FAS: variants seen among roughly 807,000 people sequenced by gnomAD.
FAS encodes Fas cell surface death receptor.
In FAS, 5 loss-of-function variants were observed where a neutral mutation model predicts 33.2. The ratio of observed to expected loss-of-function variants is 0.15; its 90% CI spans 0.08 to 0.32. The LOEUF is 0.32. FAS is among the 10% of genes least tolerant of loss of function. The pLI is 1.00. For synonymous variants in FAS, 131 were observed against 130.7 expected (o/e 1.00, Z -0.01); for missense variants, 339 against 386.0 (o/e 0.88, Z 1.02).
At position 89,015,292 on chromosome 10, in the gene FAS, G is replaced by T. The variant is rs953913056; in HGVS notation, c.*842G>T. On this transcript the variant is annotated 3_prime_UTR_variant, in exon 9 of 9. Coordinates refer to ENST00000652046, the MANE Select transcript of FAS (RefSeq NM_000043.6). ...AAAAATACTTAATAGTCCACCAAAA[G>T]GCAAGACTGCCCTTAGAAATTCTAG... 3 of 534,590 alleles carry T rather than the reference G, an allele frequency of 5.6e-6. No homozygotes were observed. Among genetic ancestry groups the T allele is most frequent in the African/African-American group, 1.9e-5 (1 of 53,856 alleles). 33.1% of individuals were successfully genotyped at this position (534,590 alleles called of 1,614,324 possible). A position where few individuals can be genotyped will look rare whatever the true frequency, so the allele number is the denominator to read the frequency against.
intron 2 of FAS, among the ~76,000 whole-genome samples, chr10:89,005,614 G>T (rs1848184173): frequency 6.6e-6 from 1 of 152,000 alleles, no homozygotes; most frequent in Non-Finnish European, 1.5e-5. Context: ...TCTCCAGATT[G>T]TTGATATATA....
upstream of FAS, among the ~76,000 whole-genome samples, chr10:88,984,567 G>T (rs1695978851): frequency 6.6e-6 from 1 of 152,200 alleles, no homozygotes; most frequent in Non-Finnish European, 1.5e-5. Context: ...CCCAGTGTTT[G>T]CAAACTGGTT....
intron 1 of FAS, among the ~76,000 whole-genome samples, chr10:89,000,340 C>A (rs1301074087): frequency 1.3e-5 from 2 of 152,018 alleles, no homozygotes; most frequent in Non-Finnish European, 2.9e-5. Context: ...CCATTATTAC[C>A]CAGATTTTCT....
At chr10:88,995,095 T>TAC (rs1847509174) in intron 1 of FAS, among the ~76,000 whole-genome samples, 1 of 151,788 alleles carries the variant, frequency 6.6e-6, no homozygotes, top group African/African-American at 2.4e-5. Flanking sequence ...TATGTATGTA[T>TAC]ATATATATTC....
At chr10:88,971,668 T>A (rs535932014) in intron 1 of FAS, among the ~76,000 whole-genome samples, 2 of 152,344 alleles carry the variant, frequency 1.3e-5, no homozygotes, top group Admixed American at 1.3e-4. Flanking sequence ...TATCTTTTTG[T>A]AACTAATAGG....
chr10:89,009,372 G>T (rs1364316014), intron 4 of FAS, among the ~76,000 whole-genome samples: 1 of 152,204 alleles, frequency 6.6e-6, no homozygotes, highest in Non-Finnish European at 1.5e-5. Flanking sequence ...GGAGATGGAG[G>T]TGAAGACATG....
intron 2 of FAS, among the ~76,000 whole-genome samples, chr10:89,003,961 G>T (rs1306091254): frequency 1.3e-5 from 2 of 152,154 alleles, no homozygotes; most frequent in African/African-American, 4.8e-5. Context: ...GGTCCTGTTT[G>T]TGAAAAGATT....
In FAS at chr10:89,014,562, A is replaced by G; in HGVS notation, c.*112A>G. On this transcript the variant is annotated 3_prime_UTR_variant, in exon 9 of 9. Coordinates refer to ENST00000652046, the MANE Select transcript of FAS (RefSeq NM_000043.6). ...TTTTACTGGGTACATTTTATCATTT[A>G]TTAGCGCTGAAGAGCCAACATATTT... is the stretch of plus-strand genomic sequence containing the variant. 1.0e-6 allele frequency: 1 copy of G among 998,470 alleles called. No homozygotes were observed. Among genetic ancestry groups the G allele is most frequent in the Non-Finnish European group, 1.5e-6 (1 of 656,648 alleles). The allele number at this position is 998,470 out of a possible 1,614,324, so 61.9% of individuals were successfully genotyped here.
intron 3 of FAS, among the ~76,000 whole-genome samples, chr10:89,008,040 C>G (rs1424412804): frequency 6.6e-6 from 1 of 152,090 alleles, no homozygotes; most frequent in African/African-American, 2.4e-5. Context: ...GGCAATTCTT[C>G]CAGATATAGG....
chr10:89,010,981 G>A (rs1564695780), intron 6 of FAS, 166 bp downstream of exon 6: 1 of 781,228 alleles, frequency 1.3e-6, no homozygotes, highest in Non-Finnish European at 2.2e-6. Flanking sequence ...AAGAACAAAT[G>A]AAATTATTCC....
upstream of FAS, among the ~76,000 whole-genome samples, chr10:88,984,690 C>G (rs999516469): frequency 2.9e-4 from 44 of 151,600 alleles, no homozygotes; most frequent in Non-Finnish European, 6.2e-4. Context: ...TTTAGTTATT[C>G]ATGAAACCAC....
intron 2 of FAS, among the ~76,000 whole-genome samples, chr10:88,980,307 C>T (rs542587877): frequency 6.7e-6 from 1 of 148,898 alleles, no homozygotes; most frequent in Non-Finnish European, 1.5e-5. Flanking sequence ...CACTTCAGGC[C>T]TTCTTTGAAG....
At chr10:89,006,811 C>T (rs1589473391) in intron 2 of FAS, among the ~76,000 whole-genome samples, 1 of 152,228 alleles carries the variant, frequency 6.6e-6, no homozygotes, top group Non-Finnish European at 1.5e-5. Context: ...TAATAAACAC[C>T]TATCAGATAA....
intron 1 of FAS, among the ~76,000 whole-genome samples, chr10:88,970,874 AGT>A (rs72431070): frequency 0.17 from 26,372 of 150,962 alleles, 2,430 homozygotes; most frequent in African/African-American, 0.24. Context: ...ATAATAAAAA[AGT>A]GTGTGTGTGT....
At chr10:88,996,475 C>CAG (rs979769113) in intron 1 of FAS, among the ~76,000 whole-genome samples, 38 of 151,978 alleles carry the variant, frequency 2.5e-4, no homozygotes, top group Admixed American at 2.0e-3. Flanking sequence ...AGATATTGGT[C>CAG]AAAGGATACA....
In FAS at chr10:89,003,213, C is replaced by G. The variant is rs1055914994; in HGVS notation, c.196+19C>G. 6.2e-7 allele frequency: 1 copy of G among 1,613,706 alleles called. No homozygotes were observed. Among genetic ancestry groups the G allele is most frequent in the South Asian group, 1.1e-5 (1 of 91,074 alleles). On this transcript the variant is annotated intron_variant, in intron 2 of 8. Coordinates refer to ENST00000652046, the MANE Select transcript of FAS (RefSeq NM_000043.6). Reference sequence around the variant, plus strand: ...CCTCCAGGTATGTTACACAAAACATCCAGAGATTACAGTGAAAGTCACAGT... The same window carrying G: ...CCTCCAGGTATGTTACACAAAACATGCAGAGATTACAGTGAAAGTCACAGT...
chr10:89,000,564 G>A (rs1035338261), intron 1 of FAS, among the ~76,000 whole-genome samples: 6 of 152,144 alleles, frequency 3.9e-5, no homozygotes, highest in Non-Finnish European at 8.8e-5. Context: ...ATAATATGCT[G>A]CTGAAACTTT....
In FAS at chr10:89,010,476, T is replaced by C. The variant is rs541126355; in HGVS notation, c.444-63T>C. 1.2e-4 allele frequency: 170 copies of C among 1,416,186 alleles called. 1 individual carries two copies. In the South Asian group the frequency reaches 1.9e-3, roughly 16 times the overall value. The allele number at this position is 1,416,186 out of a possible 1,614,324, so 87.7% of individuals were successfully genotyped here. On this transcript the variant is annotated intron_variant, in intron 4 of 8. Coordinates refer to ENST00000652046, the MANE Select transcript of FAS (RefSeq NM_000043.6). The stretch of plus-strand genomic sequence containing the variant: ...ATGGCCCCTAATTTACAAAGTGCCA[T>C]TGAAAATTATAAAGGAATTATTCTG...
chr10:89,014,001 T>C (rs1047061243), intron 8 of FAS, 118 bp from the exon 9 acceptor site: 43 of 1,060,100 alleles, frequency 4.1e-5, no homozygotes, highest in Non-Finnish European at 5.5e-5. Flanking sequence ...CAGCTCTTCA[T>C]AGACCTTTAG....
Sources: gnomAD v4.1 joint callset for allele counts (sites outside exome capture counted in the v4.1 genomes callset) on GRCh38, gnomAD v4.1.1 for gene constraint, MANE v1.5 for transcripts, NCBI Gene and HGNC (gene_info 2026-07-23, HGNC 2026-07-21) for gene names.